The following ATP8A2 variants were observed in gnomAD, a reference collection of about 807,000 sequenced individuals.
The protein encoded by ATP8A2 is phospholipid-transporting ATPase IB.
In ATP8A2, 100 loss-of-function variants were observed where a neutral mutation model predicts 165.6. That is an observed-to-expected ratio of 0.60 (90% CI 0.51 to 0.71). ATP8A2 has a LOEUF of 0.71. Ranked by LOEUF, ATP8A2 falls within the 30% of genes least tolerant of loss-of-function variation. The pLI, the probability that ATP8A2 is intolerant of heterozygous loss-of-function variation, is 0.00. For missense variants in ATP8A2, 1,227 were observed against 1,479.5 expected (o/e 0.83, Z 2.80); for synonymous variants, 543 against 548.8 (o/e 0.99, Z 0.15).
chr13:25,447,989 C>A (rs1182653939), intron 1 of ATP8A2, among the ~76,000 whole-genome samples: 1 of 152,192 alleles, frequency 6.6e-6, no homozygotes, highest in Non-Finnish European at 1.5e-5. Flanking sequence ...CTCTGCCATG[C>A]TGTTTTGTTC....
At chr13:25,397,639 T>C (rs373302359) in intron 1 of ATP8A2, among the ~76,000 whole-genome samples, 92 of 152,222 alleles carry the variant, frequency 6.0e-4, no homozygotes, top group African/African-American at 2.0e-3. Flanking sequence ...CCAGACTCTG[T>C]AAAATATTTG....
chr13:25,862,964 A>G (rs1469100345), intron 33 of ATP8A2, among the ~76,000 whole-genome samples: 1 of 152,044 alleles, frequency 6.6e-6, no homozygotes, highest in Non-Finnish European at 1.5e-5. Context: ...TTTCCTTCAT[A>G]TTATCTTTGT....
intron 32 of ATP8A2, 42 bp from the exon 33 acceptor site, chr13:25,862,259 G>A (rs1952378084): frequency 1.4e-6 from 2 of 1,468,976 alleles, no homozygotes; most frequent in South Asian, 1.1e-5. Context: ...AATCTGCCAG[G>A]CTGGTCGAGA....
intron 26 of ATP8A2, among the ~76,000 whole-genome samples, chr13:25,774,477 G>A (rs112969150): frequency 0.028 from 4,189 of 152,146 alleles, 184 homozygotes; most frequent in African/African-American, 0.096. Context: ...CTAGGTGACG[G>A]GTTGATAACT....
intron 24 of ATP8A2, among the ~76,000 whole-genome samples, chr13:25,677,360 C>T (rs919150175): frequency 2.6e-4 from 40 of 152,310 alleles, no homozygotes; most frequent in South Asian, 8.3e-4. Flanking sequence ...TTTTCAATTT[C>T]TTTAAGACTT....
At chr13:25,513,503 G>C (rs1011473310) in intron 2 of ATP8A2, among the ~76,000 whole-genome samples, 1 of 149,560 alleles carries the variant, frequency 6.7e-6, no homozygotes, top group East Asian at 2.1e-4. Flanking sequence ...GGCTCCTCAC[G>C]TCCCAGAAGA....
intron 1 of ATP8A2, among the ~76,000 whole-genome samples, chr13:25,388,154 T>C (rs1355945794): frequency 6.6e-6 from 1 of 151,394 alleles, no homozygotes; most frequent in Non-Finnish European, 1.5e-5. Context: ...CCTTATTTAG[T>C]GTCAGAATTA....
intron 33 of ATP8A2, among the ~76,000 whole-genome samples, chr13:25,867,156 T>C (rs1353064040): frequency 2.1e-5 from 3 of 142,780 alleles, no homozygotes; most frequent in East Asian, 2.1e-4. Flanking sequence ...TTTTTTTTTT[T>C]CATTCTAAAT....
intron 7 of ATP8A2, among the ~76,000 whole-genome samples, chr13:25,538,475 G>A (rs4432122): frequency 0.69 from 104,786 of 152,020 alleles, 37,646 homozygotes; most frequent in African/African-American, 0.83. Flanking sequence ...TTCAAGAACC[G>A]TGGGTGTTTT....
At chr13:25,397,088 A>G (rs981744787) in intron 1 of ATP8A2, among the ~76,000 whole-genome samples, 5 of 152,156 alleles carry the variant, frequency 3.3e-5, no homozygotes, top group African/African-American at 1.2e-4. Flanking sequence ...CTTGCTGGAC[A>G]TCCTGTTCTA....
intron 34 of ATP8A2, among the ~76,000 whole-genome samples, chr13:25,963,926 C>A (rs1434966250): frequency 6.6e-6 from 1 of 152,256 alleles, no homozygotes. Context: ...AATGACACTA[C>A]TCCCAGCTTC....
At chr13:25,433,131 A>G (rs1328634380) in intron 1 of ATP8A2, among the ~76,000 whole-genome samples, 1 of 152,198 alleles carries the variant, frequency 6.6e-6, no homozygotes, top group Non-Finnish European at 1.5e-5. Context: ...TCTTTCCACG[A>G]TCACAGGTCA....
intron 24 of ATP8A2, among the ~76,000 whole-genome samples, chr13:25,665,472 CT>C (rs543760777): frequency 6.6e-6 from 1 of 151,810 alleles, no homozygotes; most frequent in African/African-American, 2.4e-5. Context: ...ATTTGGATGA[CT>C]TTTTTTTCCT....
intron 1 of ATP8A2, among the ~76,000 whole-genome samples, chr13:25,449,721 A>G (rs1056346967): frequency 6.6e-6 from 1 of 152,172 alleles, no homozygotes; most frequent in African/African-American, 2.4e-5. Flanking sequence ...TCCATTATAT[A>G]TCTGTTATTA....
intron 26 of ATP8A2, 138 bp downstream of exon 26, chr13:25,769,367 GA>G (rs2044568878): frequency 1.3e-6 from 1 of 797,656 alleles, no homozygotes; most frequent in South Asian, 1.9e-5. Context: ...AAACCCCGGG[GA>G]TATTTGGAAT....
rs1255067214 is a variant in ATP8A2, at chr13:25,953,389, C to T, written c.3184-8186C>T. Among the ~76,000 whole-genome samples the T allele has an allele frequency of 1.3e-5, 2 of 151,922 alleles. No homozygotes were observed. Among genetic ancestry groups the T allele is most frequent in the Non-Finnish European group, 2.9e-5 (2 of 68,008 alleles). On this transcript the variant is annotated intron_variant, in intron 33 of 36. Coordinates refer to ENST00000381655, the MANE Select transcript of ATP8A2 (RefSeq NM_016529.6). The surrounding 1 kb of genome is among the most constrained non-coding windows in gnomAD (Gnocchi z 6.7). The stretch of plus-strand genomic sequence containing the variant: ...TGGGAAGTTCTGGCACAGAGTGACG[C>T]ACGAAGAAATTTGAGCTTCCTTCTC...
At chr13:25,744,164 G>A (rs1205443355) in intron 25 of ATP8A2, among the ~76,000 whole-genome samples, 3 of 152,150 alleles carry the variant, frequency 2.0e-5, no homozygotes, top group Admixed American at 6.5e-5. Flanking sequence ...GCAATTGCCC[G>A]ATTCTTTTTC....
chr13:25,423,633 T>C (rs1360682439), intron 1 of ATP8A2, among the ~76,000 whole-genome samples: 1 of 152,244 alleles, frequency 6.6e-6, no homozygotes, highest in Non-Finnish European at 1.5e-5. Context: ...CTTTTTAGGT[T>C]GTGCAATCTA....
chr13:26,017,811 G>C (rs1957013841), intron 36 of ATP8A2, among the ~76,000 whole-genome samples: 1 of 152,214 alleles, frequency 6.6e-6, no homozygotes, highest in Non-Finnish European at 1.5e-5. Flanking sequence ...CCTCCAGGCT[G>C]ATGCTGCCTT....
Sources: allele counts gnomAD v4.1 joint callset (sites outside exome capture counted in the v4.1 genomes callset), GRCh38; gene constraint gnomAD v4.1.1; non-coding constraint Gnocchi (gnomAD v3.1); transcripts MANE v1.5; gene names NCBI Gene and HGNC (gene_info 2026-07-23, HGNC 2026-07-21).